ZNF385D: variants seen among roughly 807,000 people sequenced by gnomAD.
The protein encoded by ZNF385D is zinc finger protein 659.
A neutral mutation model predicts 35.8 loss-of-function variants in ZNF385D; 15 were observed. That is an observed-to-expected ratio of 0.42 (90% CI 0.28 to 0.64). The LOEUF (loss-of-function observed/expected upper bound fraction) is 0.64. ZNF385D is among the 30% of genes least tolerant of loss of function. The pLI is 0.23. For missense variants in ZNF385D, 474 were observed against 494.6 expected, an observed-to-expected ratio of 0.96 and a Z score of 0.39; for synonymous variants, 212 against 186.8, an observed-to-expected ratio of 1.13 and a Z score of -1.10.
In ZNF385D at chr3:22,283,960, G is replaced by A. The variant is rs559797658; in HGVS notation, c.106+88490C>T. On this transcript the variant is annotated intron_variant, in intron 2 of 5. Transcript: ENST00000494108. ...AAAATAATGGTTAAGTTCCCATAAT[G>A]GGATCTGGTGCCCCTTATTGATGCC... Among the ~76,000 whole-genome samples, 4 of 152,204 alleles carry A rather than the reference G, an allele frequency of 2.6e-5. No homozygotes were observed. In the East Asian group the frequency reaches 7.8e-4, roughly 30 times the overall value.
intron 7 of ZNF385D, among the ~76,000 whole-genome samples, chr3:21,421,801 G>C (rs542849581): frequency 7.9e-4 from 120 of 152,250 alleles, no homozygotes; most frequent in Non-Finnish European, 1.3e-3. Flanking sequence ...AACTACTAAA[G>C]AGCATATATT....
At chr3:21,987,481 AT>A (rs1479988782) in intron 3 of ZNF385D, among the ~76,000 whole-genome samples, 1 of 124,032 alleles carries the variant, frequency 8.1e-6, no homozygotes, top group Non-Finnish European at 1.6e-5. Context: ...TTCTTTAAGA[AT>A]GTTGAATATT....
intron 3 of ZNF385D, among the ~76,000 whole-genome samples, chr3:22,118,106 G>A (rs1314478909): frequency 2.6e-5 from 4 of 152,014 alleles, no homozygotes; most frequent in Admixed American, 6.6e-5. Flanking sequence ...AAAATGTTTA[G>A]ACACAGGTAC....
intron 3 of ZNF385D, among the ~76,000 whole-genome samples, chr3:22,113,605 C>T (rs1262921512): frequency 2.6e-5 from 4 of 152,080 alleles, no homozygotes. Flanking sequence ...CTGACTGAGA[C>T]AATGAGCAGC....
chr3:22,271,359 T>G (rs920963699), intron 2 of ZNF385D, among the ~76,000 whole-genome samples: 2 of 152,002 alleles, frequency 1.3e-5, no homozygotes, highest in Non-Finnish European at 2.9e-5. Flanking sequence ...TATACAGACT[T>G]TTTTATTCAA....
At chr3:22,197,002 T>G (rs985495650) in intron 2 of ZNF385D, among the ~76,000 whole-genome samples, 5 of 152,070 alleles carry the variant, frequency 3.3e-5, no homozygotes, top group Admixed American at 6.6e-5. Flanking sequence ...TGGCAGGTAT[T>G]TCTATTTCTC....
chr3:22,213,240 G>C (rs1013691296), intron 2 of ZNF385D, among the ~76,000 whole-genome samples: 3 of 151,882 alleles, frequency 2.0e-5, no homozygotes, highest in Non-Finnish European at 4.4e-5. Flanking sequence ...AGGACAGATA[G>C]GCTTTGTGGG....
chr3:21,682,215 T>TTCAATAACGGA (rs1553636604), intron 1 of ZNF385D, among the ~76,000 whole-genome samples: 19 of 151,072 alleles, frequency 1.3e-4, no homozygotes, highest in East Asian at 4.0e-4. Context: ...GTTTTTAGTT[T>TTCAATAACGGA]AGCTTTGTCC....
intron 2 of ZNF385D, among the ~76,000 whole-genome samples, chr3:22,185,224 G>A (rs1344087279): frequency 3.3e-5 from 5 of 152,004 alleles, no homozygotes; most frequent in Non-Finnish European, 5.9e-5. Flanking sequence ...CAATAATAAC[G>A]GGACAGAAAC....
chr3:21,862,487 T>C (rs1315183639), intron 3 of ZNF385D, among the ~76,000 whole-genome samples: 1 of 152,134 alleles, frequency 6.6e-6, no homozygotes, highest in Non-Finnish European at 1.5e-5. Flanking sequence ...TAGTCATTCC[T>C]GGCCATGGAT....
chr3:21,908,118 A>C (rs561287604), intron 3 of ZNF385D, among the ~76,000 whole-genome samples: 5 of 135,652 alleles, frequency 3.7e-5, no homozygotes, highest in African/African-American at 8.2e-5. Context: ...CTTTCTCTCT[A>C]TATCTATCTA....
intron 3 of ZNF385D, among the ~76,000 whole-genome samples, chr3:21,559,412 C>G (rs1287779166): frequency 6.6e-6 from 1 of 152,156 alleles, no homozygotes; most frequent in Non-Finnish European, 1.5e-5. Context: ...TTCTCCTTCA[C>G]TTACAAAGCT....
chr3:21,751,201 C>T lies in ZNF385D; in HGVS notation c.-285G>A, dbSNP rs1043083614. 2.6e-5 allele frequency: 35 copies of T among 1,356,374 alleles called. No individual in the cohort carries two copies. The highest frequency in any genetic ancestry group is 3.1e-5 in the Non-Finnish European group (33 of 1,050,964). The allele number at this position is 1,356,374 out of a possible 1,614,324, so 84.0% of individuals were successfully genotyped here. A position where few individuals can be genotyped will look rare whatever the true frequency, so the allele number is the denominator to read the frequency against. Reference sequence around the variant, plus strand: ...TGCGATGTCCTTGCCGCGCCTGTGACATCAGGACTGAGAGTACTACAAGCA... The same window carrying T: ...TGCGATGTCCTTGCCGCGCCTGTGATATCAGGACTGAGAGTACTACAAGCA... On this transcript the variant is annotated 5_prime_UTR_variant, in exon 1 of 8. An upstream start codon of the reference 5' UTR is lost. Coordinates refer to ENST00000281523, the MANE Select transcript of ZNF385D (RefSeq NM_024697.3).
At chr3:21,456,113 T>C (rs1327309041) in intron 4 of ZNF385D, among the ~76,000 whole-genome samples, 3 of 152,102 alleles carry the variant, frequency 2.0e-5, no homozygotes, top group Non-Finnish European at 2.9e-5. Context: ...TGTGGAGAAA[T>C]AGGAACACTT....
intron 3 of ZNF385D, among the ~76,000 whole-genome samples, chr3:22,146,034 T>C (rs905060947): frequency 1.3e-5 from 2 of 152,124 alleles, no homozygotes; most frequent in East Asian, 3.9e-4. Flanking sequence ...TCTGCTGGAC[T>C]GATGACCACA....
chr3:21,487,513 A>T (rs1705121877), intron 4 of ZNF385D, among the ~76,000 whole-genome samples: 1 of 152,114 alleles, frequency 6.6e-6, no homozygotes, highest in African/African-American at 2.4e-5. Context: ...TGTCAATCCT[A>T]TGTATTTACT....
intron 2 of ZNF385D, among the ~76,000 whole-genome samples, chr3:22,246,946 T>A (rs2125322892): frequency 6.6e-6 from 1 of 152,138 alleles, no homozygotes; most frequent in Non-Finnish European, 1.5e-5. Context: ...CAATCATACA[T>A]ACGTGCACAC....
intron 3 of ZNF385D, among the ~76,000 whole-genome samples, chr3:21,983,593 T>C (rs1345743790): frequency 7.0e-6 from 1 of 143,050 alleles, no homozygotes; most frequent in African/African-American, 2.6e-5. Flanking sequence ...GTTCCAAGTC[T>C]TTGCTATTGT....
chr3:21,805,468 T>G (rs144756186), intron 3 of ZNF385D, among the ~76,000 whole-genome samples: 3,300 of 152,322 alleles, frequency 0.022, 48 homozygotes, highest in Non-Finnish European at 0.031. Context: ...AAGTGAATCA[T>G]GTCCATTCAA....
Sources: gnomAD v4.1 joint callset for allele counts (sites outside exome capture counted in the v4.1 genomes callset) on GRCh38, gnomAD v4.1.1 for gene constraint, MANE v1.5 for transcripts, NCBI Gene and HGNC (gene_info 2026-07-23, HGNC 2026-07-21) for gene names.